DLG2: variants seen among roughly 807,000 people sequenced by gnomAD.
The protein encoded by DLG2 is discs large MAGUK scaffold protein 2, also known as disks large homolog 2.
Under a neutral mutation model 132.5 loss-of-function variants are expected in DLG2, and 45 were observed. The ratio of observed to expected loss-of-function variants is 0.34; its 90% confidence interval spans 0.27 to 0.44. The LOEUF (loss-of-function observed/expected upper bound fraction) is 0.44, where lower values mean the gene tolerates loss of function less well. DLG2 is among the 20% of genes least tolerant of loss of function. DLG2 has a pLI of 1.00. For synonymous variants in DLG2, 424 were observed against 419.6 expected (o/e 1.01, Z -0.13); for missense variants, 1,045 against 1,196.9 (o/e 0.87, Z 1.87).
intron 6 of DLG2, among the ~76,000 whole-genome samples, chr11:85,069,716 T>C (rs906052290): frequency 6.6e-6 from 1 of 152,160 alleles, no homozygotes; most frequent in Non-Finnish European, 1.5e-5. Context: ...GACTGTAAAC[T>C]AGTTTAACCA....
At chr11:83,604,104 T>C (rs1244915438) in intron 19 of DLG2, among the ~76,000 whole-genome samples, 2 of 152,164 alleles carry the variant, frequency 1.3e-5, no homozygotes. Context: ...CAGAAAGTGC[T>C]GAAAAGCTAA....
At chr11:84,648,889 AT>A (rs2099678192) in intron 6 of DLG2, among the ~76,000 whole-genome samples, 1 of 151,888 alleles carries the variant, frequency 6.6e-6, no homozygotes, top group African/African-American at 2.4e-5. Context: ...CCAAATAAAA[AT>A]TTTTTTCTTT....
chr11:84,357,164 T>C (rs557601890), intron 7 of DLG2, among the ~76,000 whole-genome samples: 5 of 152,180 alleles, frequency 3.3e-5, no homozygotes, highest in South Asian at 2.1e-4. Context: ...AGTCTGGATG[T>C]CTTCTTAAAA....
chr11:84,768,880 C>A (rs1459442398), intron 6 of DLG2, among the ~76,000 whole-genome samples: 1 of 152,068 alleles, frequency 6.6e-6, no homozygotes, highest in Non-Finnish European at 1.5e-5. Flanking sequence ...CTCCCCTCTC[C>A]AAGATTTCTC....
intron 4 of DLG2, among the ~76,000 whole-genome samples, chr11:85,223,955 T>C (rs115833533): frequency 1.1e-3 from 174 of 152,290 alleles, no homozygotes; most frequent in African/African-American, 4.0e-3. Context: ...GACAGACTGC[T>C]TGGGTTCAAA....
At chr11:84,047,025 G>A (rs558691407) in intron 11 of DLG2, among the ~76,000 whole-genome samples, 1 of 151,594 alleles carries the variant, frequency 6.6e-6, no homozygotes, top group Admixed American at 6.6e-5. Flanking sequence ...AAAATTTAAC[G>A]GACATTGGTC....
At chr11:83,704,654 T>TAA (rs769615246) in intron 18 of DLG2, among the ~76,000 whole-genome samples, 1,124 of 105,920 alleles carry the variant, frequency 0.011, 20 homozygotes, top group African/African-American at 0.036. Context: ...CCGTCTCTAC[T>TAA]AAAAAAAAAA....
intron 7 of DLG2, among the ~76,000 whole-genome samples, chr11:84,516,804 G>A (rs568274086): frequency 4.6e-5 from 7 of 150,680 alleles, no homozygotes; most frequent in Admixed American, 2.0e-4. Flanking sequence ...CCTGATGAAC[G>A]TAGATGCAAT....
At chr11:85,482,730 T>G (rs998780626) in intron 3 of DLG2, among the ~76,000 whole-genome samples, 1 of 151,930 alleles carries the variant, frequency 6.6e-6, no homozygotes, top group Non-Finnish European at 1.5e-5. Flanking sequence ...AGGCTCCACA[T>G]GGACCCCAGC....
Position 84,790,800 on chromosome 11 carries a change from A to G in DLG2, c.358-256069T>C, listed in dbSNP as rs190304693. ...CAGTAGTCTAGTTTTATTCTTTTGC[A>G]TATGGATATCCAGTTTTCCTGGCAC... On this transcript the variant is annotated intron_variant, in intron 6 of 27. Coordinates refer to ENST00000376104, the MANE Select transcript of DLG2 (RefSeq NM_001142699.3). 4.3e-3 allele frequency among the ~76,000 whole-genome samples: 652 copies of G among 152,308 alleles called. 17 individuals carry two copies. The highest frequency in any genetic ancestry group is 9.3e-4 in the Non-Finnish European group (63 of 68,024).
intron 7 of DLG2, among the ~76,000 whole-genome samples, chr11:84,505,535 G>A (rs1251792697): frequency 6.6e-6 from 1 of 152,148 alleles, no homozygotes; most frequent in Non-Finnish European, 1.5e-5. Flanking sequence ...AAATGGCTTT[G>A]AGCAAGTGTT....
At chr11:85,081,153 C>A (rs2067179968) in intron 6 of DLG2, among the ~76,000 whole-genome samples, 5 of 152,124 alleles carry the variant, frequency 3.3e-5, no homozygotes, top group Admixed American at 3.3e-4. Flanking sequence ...AGACCCTCTG[C>A]AGTGACTTCT....
intron 18 of DLG2, among the ~76,000 whole-genome samples, chr11:83,733,111 G>A (rs1223751715): frequency 6.6e-6 from 1 of 151,710 alleles, no homozygotes; most frequent in Non-Finnish European, 1.5e-5. Flanking sequence ...CATGGTGGTG[G>A]GTGCTCGTAA....
chr11:83,560,157 G>A (rs1179054352), intron 19 of DLG2, among the ~76,000 whole-genome samples: 1 of 151,002 alleles, frequency 6.6e-6, no homozygotes, highest in Admixed American at 6.6e-5. Flanking sequence ...TCTCACTGTT[G>A]CCCAGGCTGG....
chr11:84,777,434 T>C (rs1283683114), intron 6 of DLG2, among the ~76,000 whole-genome samples: 1 of 150,842 alleles, frequency 6.6e-6, no homozygotes, highest in Non-Finnish European at 1.5e-5. Context: ...CTTTTTGATA[T>C]ATTGATTTCT....
intron 15 of DLG2, among the ~76,000 whole-genome samples, chr11:83,911,459 TAAG>T (rs1328322013): frequency 1.3e-5 from 2 of 152,158 alleles, no homozygotes; most frequent in Non-Finnish European, 2.9e-5. Context: ...TTCTATGAAC[TAAG>T]GTTTTTTTTT....
rs546626187 is a variant in DLG2 at position 83,556,554 on chromosome 11, T to G, written c.1941-14696A>C. 2.0e-5 allele frequency among the ~76,000 whole-genome samples: 3 copies of G among 152,192 alleles called. 1 individual carries two copies. The highest frequency in any genetic ancestry group is 2.0e-4 in the Admixed American group (3 of 15,286). ...TGCCAGCTAATTTTTGTCTTTTTTG[T>G]AGAGATGCAGTTTTGCCATGTTGCC... On this transcript the variant is annotated intron_variant, in intron 19 of 27. Transcript: ENST00000376104.
intron 6 of DLG2, among the ~76,000 whole-genome samples, chr11:84,747,573 A>G (rs1018177990): frequency 3.9e-5 from 6 of 152,212 alleles, no homozygotes; most frequent in African/African-American, 1.4e-4. Context: ...AACATATTGA[A>G]TTGCTATAAG....
intron 7 of DLG2, among the ~76,000 whole-genome samples, chr11:84,308,549 C>G (rs559683696): frequency 6.6e-6 from 1 of 152,232 alleles, no homozygotes; most frequent in Non-Finnish European, 1.5e-5. Flanking sequence ...GCCGTGCGCC[C>G]GCACTCCTCA....
Sources: allele counts gnomAD v4.1 joint callset (sites outside exome capture counted in the v4.1 genomes callset), GRCh38; gene constraint gnomAD v4.1.1; transcripts MANE v1.5; gene names NCBI Gene and HGNC (gene_info 2026-07-23, HGNC 2026-07-21).